NDUFA10: variants seen among roughly 807,000 people sequenced by gnomAD.
The protein encoded by NDUFA10 is NADH dehydrogenase [ubiquinone] 1 alpha subcomplex subunit 10, mitochondrial.
NDUFA10 carries 40 observed loss-of-function variants against 47.8 expected under a neutral mutation model. That is an observed-to-expected ratio of 0.84 (90% CI 0.65 to 1.09). The LOEUF is 1.09. Among genes scored for constraint, NDUFA10 ranks in the 50% least tolerant of loss-of-function variants. The pLI, the probability that NDUFA10 is intolerant of heterozygous loss-of-function variation, is 0.00. For synonymous variants in NDUFA10, 183 were observed against 172.2 expected (o/e 1.06, Z -0.49); for missense variants, 413 against 451.1 (o/e 0.92, Z 0.76).
chr2:239,892,865 GA>G (rs1693319412), intron 5 of NDUFA10, among the ~76,000 whole-genome samples: 1 of 152,364 alleles, frequency 6.6e-6, no homozygotes, highest in African/African-American at 2.4e-5. Context: ...AATTGGTAAA[GA>G]GACTATCTAC....
chr2:239,913,180 G>C (rs540762856), intron 4 of NDUFA10, among the ~76,000 whole-genome samples: 1 of 152,238 alleles, frequency 6.6e-6, no homozygotes, highest in African/African-American at 2.4e-5. Flanking sequence ...TCTGCCAGCT[G>C]GTTGAAAGAG....
At chr2:239,990,851 T>G (rs1403667324) in intron 8 of NDUFA10, among the ~76,000 whole-genome samples, 1 of 152,162 alleles carries the variant, frequency 6.6e-6, no homozygotes, top group Non-Finnish European at 1.5e-5. Flanking sequence ...TTAAATATAG[T>G]CTGAATATAA....
At position 239,928,736 on chromosome 2, in the gene NDUFA10, A is replaced by G. The variant is rs1366022646; in HGVS notation, c.295-33422T>C. On this transcript the variant is annotated intron_variant, in intron 4 of 5. Transcript: ENST00000419408. This position sits in a 1 kb window ranked among gnomAD's most constrained non-coding sequence, Gnocchi z 4.3. ...ATCCCGCTCCAGGTCCCTCTGTGCAAGGATGTCAGACCCTTCCGCGTTCCC... is the reference window on the plus strand; with the variant it reads ...ATCCCGCTCCAGGTCCCTCTGTGCAGGGATGTCAGACCCTTCCGCGTTCCC... 6.6e-6 allele frequency among the ~76,000 whole-genome samples: 1 copy of G among 152,024 alleles called. No homozygotes were observed. Among genetic ancestry groups the G allele is most frequent in the Non-Finnish European group, 1.5e-5 (1 of 67,994 alleles).
rs1402989258 is a variant in NDUFA10, at chr2:240,018,388, A to G, written c.547+165T>C. 2.6e-6 allele frequency: 4 copies of G among 1,538,650 alleles called. No individual in the cohort carries two copies. The African/African-American group carries it at 5.5e-5, about 21-fold the overall frequency. On this transcript the variant is annotated intron_variant, in intron 4 of 9. Transcript: ENST00000252711. ...CTATTTCAGGAGGGAGAAAGGGTGG[A>G]AGATACTTAGGAAGTTCCTTTTTCC...
At chr2:239,967,588 G>A (rs1695131003) in intron 9 of NDUFA10, among the ~76,000 whole-genome samples, 1 of 152,228 alleles carries the variant, frequency 6.6e-6, no homozygotes, top group Non-Finnish European at 1.5e-5. Flanking sequence ...AGTTCACTTA[G>A]CCCACAATTA....
chr2:239,906,292 C>T lies in NDUFA10; in HGVS notation c.295-10978G>A, dbSNP rs79723422. ...ACTGTTCAAGCTCTTAGCAAAACTG[C>T]GGCTTCAGTTGTGCCTTGCTGACTG... On this transcript the variant is annotated intron_variant, in intron 4 of 5. Coordinates refer to the NDUFA10 transcript ENST00000419408. This position sits in a 1 kb window ranked among gnomAD's most constrained non-coding sequence, Gnocchi z 4.3. Among the ~76,000 whole-genome samples, 541 of 152,286 alleles carry T rather than the reference C, an allele frequency of 3.6e-3. 6 individuals are homozygous for T. The highest frequency in any genetic ancestry group is 0.012 in the African/African-American group (509 of 41,562).
chr2:239,968,788 C>A (rs943423995), intron 9 of NDUFA10, among the ~76,000 whole-genome samples: 1 of 152,112 alleles, frequency 6.6e-6, no homozygotes, highest in African/African-American at 2.4e-5. Flanking sequence ...CAGGGAGTTG[C>A]AAGCAGATGA....
At chr2:239,949,719 C>T (rs992714776) in intron 4 of NDUFA10, among the ~76,000 whole-genome samples, 3 of 152,156 alleles carry the variant, frequency 2.0e-5, no homozygotes, top group Non-Finnish European at 2.9e-5. Context: ...CAGCCTCAAG[C>T]GATCCTCCCA....
chr2:239,943,559 T>C (rs1047261121), intron 4 of NDUFA10, among the ~76,000 whole-genome samples: 1 of 152,256 alleles, frequency 6.6e-6, no homozygotes, highest in African/African-American at 2.4e-5. Flanking sequence ...ATTATTTTTC[T>C]AGTTTTTCCT....
intron 4 of NDUFA10, among the ~76,000 whole-genome samples, chr2:239,927,917 A>G (rs903133350): frequency 2.0e-5 from 3 of 152,224 alleles, no homozygotes; most frequent in Non-Finnish European, 2.9e-5. Flanking sequence ...CTGGTACCCC[A>G]ATACGGTGGC....
At chr2:239,991,586 C>A (rs1295109143) in intron 8 of NDUFA10, among the ~76,000 whole-genome samples, 1 of 152,198 alleles carries the variant, frequency 6.6e-6, no homozygotes, top group East Asian at 1.9e-4. Flanking sequence ...AATTGTAAGA[C>A]TACAAGTTCC....
intron 4 of NDUFA10, among the ~76,000 whole-genome samples, 155 bp from the exon 5 acceptor site, chr2:240,015,015 A>G (rs1323672166): frequency 1.3e-5 from 2 of 152,218 alleles, no homozygotes; most frequent in African/African-American, 2.4e-5. Flanking sequence ...CTAAGCACTG[A>G]CCACACACAT....
intron 9 of NDUFA10, among the ~76,000 whole-genome samples, chr2:239,969,958 G>A (rs1559334051): frequency 6.6e-6 from 1 of 152,208 alleles, no homozygotes; most frequent in Non-Finnish European, 1.5e-5. Context: ...CCAAAAGGGG[G>A]AGGATAGAAA....
intron 9 of NDUFA10, among the ~76,000 whole-genome samples, chr2:239,977,454 G>A (rs899646624): frequency 6.6e-6 from 1 of 152,210 alleles, no homozygotes; most frequent in Non-Finnish European, 1.5e-5. Flanking sequence ...ACACCTAGAA[G>A]AGGCAGCCAG....
intron 9 of NDUFA10, among the ~76,000 whole-genome samples, chr2:239,984,997 C>T (rs1695939559): frequency 6.6e-6 from 1 of 152,252 alleles, no homozygotes; most frequent in Non-Finnish European, 1.5e-5. Context: ...CACCAGCTTG[C>T]TTCCTGAGCG....
At chr2:240,017,948 A>G (rs1445175130) in intron 4 of NDUFA10, 6 of 1,495,236 alleles carry the variant, frequency 4.0e-6, no homozygotes, top group Non-Finnish European at 5.5e-6. Flanking sequence ...CACCAGGCCT[A>G]TTCAACCCAC....
chr2:239,983,653 A>G (rs1454788969), intron 9 of NDUFA10: 2 of 1,580,916 alleles, frequency 1.3e-6, no homozygotes, highest in South Asian at 1.2e-5. Flanking sequence ...CTGCACTGAC[A>G]GCAAGTGCCC....
intron 4 of NDUFA10, among the ~76,000 whole-genome samples, chr2:239,914,274 C>T (rs1266783734): frequency 4.0e-5 from 6 of 150,782 alleles, no homozygotes; most frequent in African/African-American, 2.4e-5. Flanking sequence ...CATACACAGA[C>T]ACACACAAAT....
intron 4 of NDUFA10, among the ~76,000 whole-genome samples, chr2:239,915,404 GAACACACACATAC>G (rs1559277543): frequency 7.9e-5 from 5 of 63,242 alleles, no homozygotes; most frequent in African/African-American, 5.1e-4. Context: ...CATACACACA[GAACACACACATAC>G]ACAGACACAA....
Sources: allele counts gnomAD v4.1 joint callset (sites outside exome capture counted in the v4.1 genomes callset), GRCh38; gene constraint gnomAD v4.1.1; non-coding constraint Gnocchi (gnomAD v3.1); transcripts MANE v1.5; gene names NCBI Gene and HGNC (gene_info 2026-07-23, HGNC 2026-07-21).